PXDN: variants seen among roughly 807,000 people sequenced by gnomAD.
PXDN encodes the protein peroxidasin.
In PXDN, 77 loss-of-function variants were observed where a neutral mutation model predicts 140.3. The ratio of observed to expected loss-of-function variants is 0.55; its 90% CI spans 0.46 to 0.66. The LOEUF is 0.66. Among genes scored for constraint, PXDN ranks in the 30% least tolerant of loss-of-function variants. The probability of loss-of-function intolerance (pLI) is 0.00; values close to 1 mark genes in which losing one functional copy is unlikely to be tolerated. For synonymous variants in PXDN, 911 were observed against 857.4 expected (o/e 1.06, Z -1.09); for missense variants, 1,838 against 2,039.5 (o/e 0.90, Z 1.90).
Position 1,725,610 on chromosome 2 carries a change from C to T in PXDN, c.200+18646G>A, listed in dbSNP as rs550779909. Reference sequence around the variant, plus strand: ...ATTAAACTAAAGAGCTTCTGCATAGCAAAACAAACTACCATCAGAGTGAAC... The same window carrying T: ...ATTAAACTAAAGAGCTTCTGCATAGTAAAACAAACTACCATCAGAGTGAAC... On this transcript the variant is annotated intron_variant, in intron 1 of 22. Coordinates refer to ENST00000252804, the MANE Select transcript of PXDN (RefSeq NM_012293.3). 3.3e-5 allele frequency among the ~76,000 whole-genome samples: 5 copies of T among 152,190 alleles called. No homozygotes were observed. In the East Asian group the frequency reaches 9.7e-4, roughly 29 times the overall value.
chr2:1,739,253 G>A (rs1031781343), intron 1 of PXDN, among the ~76,000 whole-genome samples: 6 of 152,054 alleles, frequency 3.9e-5, no homozygotes, highest in Non-Finnish European at 7.4e-5. Context: ...TAGCTCTGTC[G>A]GAAGGGAACT....
intron 2 of PXDN, 49 bp downstream of exon 2, chr2:1,693,014 T>A: frequency 6.9e-7 from 1 of 1,455,472 alleles, no homozygotes; most frequent in Non-Finnish European, 9.4e-7. Context: ...ATAAACAATG[T>A]AATGATTTCT....
chr2:1,641,643 G>A (rs545573932), intron 19 of PXDN, among the ~76,000 whole-genome samples: 1 of 152,296 alleles, frequency 6.6e-6, no homozygotes, highest in South Asian at 2.1e-4. Flanking sequence ...ATTTTAAGAG[G>A]GAAAAGTGTC....
intron 12 of PXDN, 123 bp from the exon 13 acceptor site, chr2:1,662,307 C>T (rs181735626): frequency 1.2e-6 from 1 of 818,978 alleles, no homozygotes; most frequent in Admixed American, 2.0e-5. Context: ...CAGTCAGTTT[C>T]AGAATGGGCC....
intron 1 of PXDN, among the ~76,000 whole-genome samples, chr2:1,720,421 G>GA (rs1190693743): frequency 3.3e-5 from 5 of 151,742 alleles, no homozygotes; most frequent in Non-Finnish European, 5.9e-5. Flanking sequence ...AGGGAGGGAT[G>GA]CAGAGAGAGA....
At chr2:1,688,696 T>C (rs139263586) in intron 3 of PXDN, among the ~76,000 whole-genome samples, 6 of 152,272 alleles carry the variant, frequency 3.9e-5, no homozygotes, top group African/African-American at 1.4e-4. Flanking sequence ...ATCTCTGACA[T>C]AGGCAGATGG....
chr2:1,653,714 G>A lies in PXDN; in HGVS notation c.2018C>T (p.Ala673Val). Residue 673 changes from alanine to valine, a missense_variant, in exon 16 of 23, where the codon GCA becomes GTA. Ala to Val is a moderately conservative substitution (Grantham distance 64, BLOSUM62 0). Transcript: ENST00000252804. ...YPRDPYTVEQ[A>V]RAGEIFERTL... ...CCGTTCAAAGATTTCTCCCGCCCGT[G>A]CCTGTTCAACTGTGTAAGGATCCCT... The A allele has an allele frequency of 6.2e-7, 1 of 1,604,906 alleles. No individual in the cohort carries two copies. Among genetic ancestry groups the A allele is most frequent in the Non-Finnish European group, 8.5e-7 (1 of 1,175,770 alleles).
Position 1,714,086 on chromosome 2 carries a change from C to T in PXDN, c.201-20952G>A, listed in dbSNP as rs1262450428. On this transcript the variant is annotated intron_variant, in intron 1 of 22. Transcript: ENST00000252804. This position sits in a 1 kb window ranked among gnomAD's most constrained non-coding sequence, Gnocchi z 4.3. ...GCTTTGGAAATGGCCTTCGGATAAACAGCTTCAAGAAAGCGCATCCGTCAC... is the reference window on the plus strand; with the variant it reads ...GCTTTGGAAATGGCCTTCGGATAAATAGCTTCAAGAAAGCGCATCCGTCAC... 6.6e-6 allele frequency among the ~76,000 whole-genome samples: 1 copy of T among 152,200 alleles called. No individual in the cohort carries two copies. The highest frequency in any genetic ancestry group is 2.4e-5 in the African/African-American group (1 of 41,454).
chr2:1,690,251 T>A (rs967991880), intron 3 of PXDN, among the ~76,000 whole-genome samples: 2 of 152,132 alleles, frequency 1.3e-5, no homozygotes, highest in Non-Finnish European at 2.9e-5. Flanking sequence ...CCACGGCCCC[T>A]TCACCACTGG....
chr2:1,649,821 T>G lies in PXDN; in HGVS notation c.2105-146A>C. On this transcript the variant is annotated intron_variant, in intron 16 of 22. Coordinates refer to ENST00000252804, the MANE Select transcript of PXDN (RefSeq NM_012293.3). This position sits in a 1 kb window ranked among gnomAD's most constrained non-coding sequence, Gnocchi z 7.1. ...TGTGCGCCATGCAACAAGCGCTTCC[T>G]GCTGGAAACCTGCTCACCTCCTGTT... The G allele has an allele frequency of 1.1e-6, 1 of 938,532 alleles. No homozygotes were observed. The highest frequency in any genetic ancestry group is 1.6e-6 in the Non-Finnish European group (1 of 611,380). 58.1% of individuals were successfully genotyped at this position (938,532 alleles called of 1,614,324 possible).
chr2:1,654,074 G>T (rs1572129329), intron 15 of PXDN: 1 of 489,598 alleles, frequency 2.0e-6, no homozygotes, highest in Non-Finnish European at 3.6e-6. Flanking sequence ...TCAGCAACGT[G>T]AACAAATACA....
chr2:1,640,537 CA>C (rs1682700699), intron 19 of PXDN, among the ~76,000 whole-genome samples: 1 of 152,206 alleles, frequency 6.6e-6, no homozygotes, highest in Non-Finnish European at 1.5e-5. Flanking sequence ...GCGGAGCCCA[CA>C]AACAGTCCCA....
chr2:1,709,381 T>C (rs771628961), intron 1 of PXDN, among the ~76,000 whole-genome samples: 4 of 152,098 alleles, frequency 2.6e-5, no homozygotes, highest in Non-Finnish European at 4.4e-5. Flanking sequence ...GTGTGGTGTT[T>C]GCTGAATGGA....
rs750128985 is a variant in PXDN at position 1,649,235 on chromosome 2, T to C, written c.2545A>G (p.Asn849Asp). The change falls in exon 17 of 23, where the codon AAC becomes GAC. Residue 849 changes from asparagine (N) to aspartate (D), a missense_variant. Asn to Asp is a conservative substitution (Grantham distance 23). Transcript: ENST00000252804. The surrounding 1 kb of genome is among the most constrained non-coding windows in gnomAD (Gnocchi z 7.1). ...ARFSDGQHCS[N>D]VCSNDPPCFS... ...CAGGGGGGGTCGTTGCTGCACACGTTGCTGCAGTGCTGTCCGTCGGAGAAG... is the reference window on the plus strand; with the variant it reads ...CAGGGGGGGTCGTTGCTGCACACGTCGCTGCAGTGCTGTCCGTCGGAGAAG... 1 of 1,613,066 alleles carries C rather than the reference T, an allele frequency of 6.2e-7. No homozygotes were observed. Among genetic ancestry groups the C allele is most frequent in the South Asian group, 1.1e-5 (1 of 90,988 alleles).
In PXDN at chr2:1,648,519, G is replaced by A. The variant is rs1432204431; in HGVS notation, c.3261C>T (p.Asn1087=). 10 of 1,613,016 alleles carry A rather than the reference G, an allele frequency of 6.2e-6. No homozygotes were observed. Among genetic ancestry groups the A allele is most frequent in the Non-Finnish European group, 8.5e-6 (10 of 1,179,882 alleles). ...GGTGATCTTGTGCAATGGGCTGGAAGTTCTCGTCCAGCCGGTAAAGCAGTG... is the reference window on the plus strand; with the variant it reads ...GGTGATCTTGTGCAATGGGCTGGAAATTCTCGTCCAGCCGGTAAAGCAGTG... ...VNPLLYRLDE[N]FQPIAQDHLP... The change falls in exon 17 of 23, where the codon AAC becomes AAT. Residue 1087 remains asparagine, a synonymous_variant. Coordinates refer to ENST00000252804, the MANE Select transcript of PXDN (RefSeq NM_012293.3). The surrounding 1 kb of genome is among the most constrained non-coding windows in gnomAD (Gnocchi z 8.9).
intron 1 of PXDN, 118 bp downstream of exon 1, chr2:1,744,138 C>T: frequency 9.2e-7 from 1 of 1,083,330 alleles, no homozygotes; most frequent in East Asian, 3.6e-5. Context: ...TCCCCAGGCC[C>T]CCCGCGCGCC....
intron 14 of PXDN, among the ~76,000 whole-genome samples, chr2:1,659,098 G>A (rs979591538): frequency 4.6e-5 from 7 of 152,208 alleles, no homozygotes; most frequent in Non-Finnish European, 7.3e-5. Flanking sequence ...AAGTGGCGGC[G>A]ACTATTGGTG....
chr2:1,661,040 G>C lies in PXDN; in HGVS notation c.1681-3C>G. On this transcript the variant is annotated splice_polypyrimidine_tract_variant and splice_region_variant and intron_variant, in intron 13 of 22. Transcript: ENST00000252804. Reference sequence around the variant, plus strand: ...CTTTCTGTCACCTGAACCCCATCCTGGAGCAAAACAGAATGAAAACAGTAT... The same window carrying C: ...CTTTCTGTCACCTGAACCCCATCCTCGAGCAAAACAGAATGAAAACAGTAT... 1 of 1,613,850 alleles carries C rather than the reference G, an allele frequency of 6.2e-7. No individual in the cohort carries two copies. The highest frequency in any genetic ancestry group is 1.3e-5 in the African/African-American group (1 of 75,016).
In PXDN at chr2:1,727,279, C is replaced by T. The variant is rs373915320; in HGVS notation, c.200+16977G>A. Among the ~76,000 whole-genome samples, 9 of 152,316 alleles carry T rather than the reference C, an allele frequency of 5.9e-5. No individual in the cohort carries two copies. In the East Asian group the frequency reaches 1.2e-3, roughly 20 times the overall value. On this transcript the variant is annotated intron_variant, in intron 1 of 22. Coordinates refer to ENST00000252804, the MANE Select transcript of PXDN (RefSeq NM_012293.3). ...TCCCTCCTCCTGAGCCTTGGACCAG[C>T]GGCTGCCCCTCCTTCAGACAAAGTT...
Sources: gnomAD v4.1 joint callset for allele counts (sites outside exome capture counted in the v4.1 genomes callset) on GRCh38, gnomAD v4.1.1 for gene constraint, Gnocchi (gnomAD v3.1) non-coding constraint, MANE v1.5 for transcripts, NCBI Gene and HGNC (gene_info 2026-07-23, HGNC 2026-07-21) for gene names.